The following RNF217 variants were observed in gnomAD, a reference collection of about 807,000 sequenced individuals.
The protein encoded by RNF217 is ring finger protein 217, also known as E3 ubiquitin-protein ligase RNF217.
RNF217 carries 31 observed loss-of-function variants against 57.8 expected under a neutral mutation model. The ratio of observed to expected loss-of-function variants is 0.54; its 90% CI spans 0.40 to 0.72. The LOEUF is 0.72. RNF217 is among the 30% of genes least tolerant of loss of function. RNF217 has a pLI of 0.00. For synonymous variants in RNF217, 313 were observed against 294.0 expected, an observed-to-expected ratio of 1.06 and a Z score of -0.66; for missense variants, 696 against 708.3, an observed-to-expected ratio of 0.98 and a Z score of 0.20.
chr6:125,006,686 T>C (rs1785192723), intron 1 of RNF217, among the ~76,000 whole-genome samples: 1 of 152,230 alleles, frequency 6.6e-6, no homozygotes, highest in African/African-American at 2.4e-5. Flanking sequence ...TGGTGGCTCA[T>C]GCCTGTAATC....
At chr6:125,024,477 G>T (rs1407356503) in intron 1 of RNF217, among the ~76,000 whole-genome samples, 4 of 151,966 alleles carry the variant, frequency 2.6e-5, no homozygotes, top group African/African-American at 9.7e-5. Flanking sequence ...CAGCACTTTG[G>T]GAGGCTGAGG....
At position 125,081,497 on chromosome 6, in the gene RNF217, G is replaced by A. The variant is rs146414490; in HGVS notation, c.1545G>A (p.Ala515=). ...MVLGLALGAI[A]VVIGLFVFPI... is the part of the protein sequence containing the mutation. Reference sequence around the variant, plus strand: ...TGGGATTGGCACTAGGGGCCATAGCGGTTGTAATCGGTAAGAAACACTTCA... The same window carrying A: ...TGGGATTGGCACTAGGGGCCATAGCAGTTGTAATCGGTAAGAAACACTTCA... The change falls in exon 5 of 6, where the codon GCG becomes GCA. Residue 515 remains alanine (A), a synonymous_variant. Coordinates refer to ENST00000521654, the MANE Select transcript of RNF217 (RefSeq NM_001286398.3). The A allele has an allele frequency of 6.9e-4, 1,116 of 1,610,178 alleles. 10 individuals are homozygous for A. The African/African-American group carries it at 0.013, about 18-fold the overall frequency.
Position 124,962,740 on chromosome 6 carries a change from G to C in RNF217, c.196G>C (p.Ala66Pro), listed in dbSNP as rs547494536. Residue 66 changes from alanine (A) to proline (P), a missense_variant, in exon 1 of 6, where the codon GCC becomes CCC. Coordinates refer to ENST00000521654, the MANE Select transcript of RNF217 (RefSeq NM_001286398.3). This position sits in a 1 kb window ranked among gnomAD's most constrained non-coding sequence, Gnocchi z 4.6. ...CGACTGGGGCTGCGCGGACACCAGC[G>C]CCCCAGAGCCCGCGAGGAGCCTGGG... ...GSDWGCADTS[A>P]PEPARSLGPP... 2 of 1,575,914 alleles carry C rather than the reference G, an allele frequency of 1.3e-6. No homozygotes were observed. Among genetic ancestry groups the C allele is most frequent in the African/African-American group, 1.4e-5 (1 of 73,972 alleles).
intron 1 of RNF217, among the ~76,000 whole-genome samples, chr6:125,033,225 G>A (rs1463609291): frequency 2.0e-5 from 3 of 148,690 alleles, no homozygotes; most frequent in Non-Finnish European, 4.4e-5. Context: ...TTAAGTTTTA[G>A]GGTACATGTG....
At chr6:124,980,115 C>G (rs542450706) in intron 1 of RNF217, among the ~76,000 whole-genome samples, 1 of 152,090 alleles carries the variant, frequency 6.6e-6, no homozygotes, top group Non-Finnish European at 1.5e-5. Context: ...TTACCCATCT[C>G]GAAGGGATTT....
At position 124,962,923 on chromosome 6, in the gene RNF217, GC is replaced by G. The variant is rs1582639261; in HGVS notation, c.380del (p.Ala127GlyfsTer69). Reference sequence around the variant, plus strand: ...AGAGGGAGGGGATGAACAGCAGGAGGCGCCCCCCGGCGAAGAGCTGGAGCCC... The same window carrying G: ...AGAGGGAGGGGATGAACAGCAGGAGGGCCCCCCGGCGAAGAGCTGGAGCCC... Reference protein sequence around the residue: ...RKEGGDEQQEAPPGEELEPRT... With the variant: ...RKEGGDEQQEXPPGEELEPRT... On this transcript the variant is annotated frameshift_variant, in exon 1 of 6. Transcript: ENST00000521654. LOFTEE classifies it high-confidence loss of function. The surrounding 1 kb of genome is among the most constrained non-coding windows in gnomAD (Gnocchi z 4.6). The G allele has an allele frequency of 6.3e-7, 1 of 1,598,020 alleles. No individual in the cohort carries two copies.
chr6:125,069,617 C>T (rs762204628), intron 3 of RNF217, among the ~76,000 whole-genome samples: 33 of 152,114 alleles, frequency 2.2e-4, no homozygotes, highest in Non-Finnish European at 4.1e-4. Flanking sequence ...AATGAAAATG[C>T]AAGTGCATCT....
intron 4 of RNF217, among the ~76,000 whole-genome samples, chr6:125,079,237 G>T (rs1056493298): frequency 1.3e-5 from 2 of 152,122 alleles, no homozygotes; most frequent in Admixed American, 1.3e-4. Context: ...AGTGAGGCGT[G>T]GGCAGATTAT....
intron 2 of RNF217, 134 bp downstream of exon 2, chr6:125,045,578 C>T (rs1787066729): frequency 4.7e-6 from 3 of 639,808 alleles, no homozygotes; most frequent in Non-Finnish European, 8.1e-6. Flanking sequence ...GGCCATCATT[C>T]TGAAAGCATA....
chr6:124,978,227 T>A (rs35397980), intron 1 of RNF217, among the ~76,000 whole-genome samples: 24,692 of 151,950 alleles, frequency 0.16, 2,132 homozygotes, highest in Middle Eastern at 0.21. Flanking sequence ...CCTTCTGTGC[T>A]GCTTCACCAG....
intron 3 of RNF217, among the ~76,000 whole-genome samples, chr6:125,072,327 T>C (rs976293939): frequency 6.6e-6 from 1 of 152,174 alleles, no homozygotes; most frequent in African/African-American, 2.4e-5. Context: ...GAAACAATTT[T>C]TTCCGTGATT....
At chr6:125,009,441 C>T (rs1261437156) in intron 1 of RNF217, 1 of 506,126 alleles carries the variant, frequency 2.0e-6, no homozygotes, top group Non-Finnish European at 3.5e-6. Context: ...TCAGATGGTG[C>T]CATCTCTTTC....
At chr6:124,999,800 T>A (rs1343240326) in intron 1 of RNF217, among the ~76,000 whole-genome samples, 1 of 152,160 alleles carries the variant, frequency 6.6e-6, no homozygotes, top group African/African-American at 2.4e-5. Flanking sequence ...TAAAAAAAAA[T>A]CCAGTTGTAC....
rs1347775038 is a variant in RNF217 at position 125,083,594 on chromosome 6, C to A, written c.*657C>A. The stretch of plus-strand genomic sequence containing the variant: ...ATGTATTAAAACTAGGCCCAGTAAC[C>A]TTGTACTTACCCAGTTCCATGCCGC... On this transcript the variant is annotated 3_prime_UTR_variant, in exon 6 of 6. Transcript: ENST00000521654. 6.6e-6 allele frequency: 1 copy of A among 152,014 alleles called. No individual in the cohort carries two copies. Among genetic ancestry groups the A allele is most frequent in the East Asian group, 1.9e-4 (1 of 5,178 alleles). 9.4% of individuals were successfully genotyped at this position (152,014 alleles called of 1,614,324 possible). A position where few individuals can be genotyped will look rare whatever the true frequency, so the allele number is the denominator to read the frequency against.
At chr6:125,041,983 G>A (rs1017661853) in intron 1 of RNF217, among the ~76,000 whole-genome samples, 16 of 151,712 alleles carry the variant, frequency 1.1e-4, no homozygotes, top group Non-Finnish European at 1.8e-4. Context: ...CTTGGCTTTC[G>A]AGAAAATAAA....
chr6:125,056,101 T>G (rs1582759542), intron 2 of RNF217, among the ~76,000 whole-genome samples: 1 of 152,300 alleles, frequency 6.6e-6, no homozygotes, highest in East Asian at 1.9e-4. Flanking sequence ...TATTGAATAG[T>G]TTAATGATAT....
At chr6:125,031,708 A>G (rs1786368919) in intron 1 of RNF217, among the ~76,000 whole-genome samples, 2 of 152,150 alleles carry the variant, frequency 1.3e-5, no homozygotes, top group Non-Finnish European at 2.9e-5. Flanking sequence ...CCATTCAGCT[A>G]GTCTCTAGGA....
intron 2 of RNF217, among the ~76,000 whole-genome samples, chr6:125,053,602 A>T (rs541040884): frequency 6.6e-6 from 1 of 152,094 alleles, no homozygotes; most frequent in East Asian, 1.9e-4. Context: ...GGTTTTCTTT[A>T]GTTTTAGACA....
At chr6:125,068,452 C>T (rs917063248) in intron 3 of RNF217, among the ~76,000 whole-genome samples, 1 of 152,174 alleles carries the variant, frequency 6.6e-6, no homozygotes, top group African/African-American at 2.4e-5. Flanking sequence ...CTATTGAGTA[C>T]TGTCTTCATA....
Sources: allele counts gnomAD v4.1 joint callset (sites outside exome capture counted in the v4.1 genomes callset), GRCh38; gene constraint gnomAD v4.1.1; non-coding constraint Gnocchi (gnomAD v3.1); transcripts MANE v1.5; gene names NCBI Gene and HGNC (gene_info 2026-07-23, HGNC 2026-07-21).